The following KIAA1958 variants were observed in gnomAD, a reference collection of about 807,000 sequenced individuals.
KIAA1958 encodes uncharacterized protein KIAA1958.
A neutral mutation model predicts 47.2 loss-of-function variants in KIAA1958; 14 were observed. The ratio of observed to expected loss-of-function variants is 0.30; its 90% CI spans 0.20 to 0.46. The LOEUF (loss-of-function observed/expected upper bound fraction) is 0.46, where lower values mean the gene tolerates loss of function less well. Among genes scored for constraint, KIAA1958 ranks in the 20% least tolerant of loss-of-function variants. KIAA1958 has a pLI of 1.00. For missense variants in KIAA1958, 803 were observed against 909.2 expected, an observed-to-expected ratio of 0.88 and a Z score of 1.50; for synonymous variants, 354 against 353.3, an observed-to-expected ratio of 1.00 and a Z score of -0.02.
chr9:112,531,875 A>C (rs990634450), intron 1 of KIAA1958, among the ~76,000 whole-genome samples: 2 of 152,250 alleles, frequency 1.3e-5, no homozygotes, highest in East Asian at 3.8e-4. Flanking sequence ...CCATGACTTC[A>C]TTAATGTCTG....
intron 3 of KIAA1958, among the ~76,000 whole-genome samples, chr9:112,659,040 A>T (rs376140190): frequency 6.7e-6 from 1 of 150,094 alleles, no homozygotes; most frequent in Non-Finnish European, 1.5e-5. Context: ...AAAAAAAAAA[A>T]AAAAGAAAGA....
chr9:112,624,601 A>G (rs1372912688), intron 2 of KIAA1958, among the ~76,000 whole-genome samples: 1 of 152,218 alleles, frequency 6.6e-6, no homozygotes, highest in Non-Finnish European at 1.5e-5. Context: ...ACAGAAAAGG[A>G]AGACATTTAA....
At position 112,627,157 on chromosome 9, in the gene KIAA1958, A is replaced by G. The variant is rs530943296; in HGVS notation, c.1172-18493A>G. On this transcript the variant is annotated intron_variant, in intron 2 of 3. Transcript: ENST00000337530. ...AACTTGAAAATCTTGTGTCATGTTT[A>G]TAATTCCAGGCCAGGTCAGCTTTTC... Among the ~76,000 whole-genome samples, 4 of 152,350 alleles carry G rather than the reference A, an allele frequency of 2.6e-5. No homozygotes were observed. The South Asian group carries it at 8.3e-4, about 32-fold the overall frequency.
In KIAA1958 at chr9:112,618,488, A is replaced by G; in HGVS notation, c.1172-27162A>G. 6.4e-7 allele frequency: 1 copy of G among 1,550,784 alleles called. No individual in the cohort carries two copies. Among genetic ancestry groups the G allele is most frequent in the Non-Finnish European group, 8.7e-7 (1 of 1,147,038 alleles). On this transcript the variant is annotated intron_variant, in intron 2 of 3. Transcript: ENST00000337530. This position sits in a 1 kb window ranked among gnomAD's most constrained non-coding sequence, Gnocchi z 7.1. ...CACTGGAGACTTGAATGCCAAAACC[A>G]AGAGAGGGGGGACAGACTCCCGTGT... is the stretch of plus-strand genomic sequence containing the variant.
At chr9:112,570,799 A>AC (rs1835519662) in intron 1 of KIAA1958, among the ~76,000 whole-genome samples, 1 of 152,228 alleles carries the variant, frequency 6.6e-6, no homozygotes, top group African/African-American at 2.4e-5. Context: ...GAGAAGTCTT[A>AC]CAACAGGCTG....
At chr9:112,634,798 G>A (rs1042609099) in intron 2 of KIAA1958, among the ~76,000 whole-genome samples, 1 of 152,020 alleles carries the variant, frequency 6.6e-6, no homozygotes, top group African/African-American at 2.4e-5. Context: ...TTTTACTTTT[G>A]GGGTAGTGAT....
At chr9:112,555,902 C>T (rs1300088496) in intron 1 of KIAA1958, among the ~76,000 whole-genome samples, 1 of 152,166 alleles carries the variant, frequency 6.6e-6, no homozygotes, top group Non-Finnish European at 1.5e-5. Flanking sequence ...TGGTAAAACC[C>T]CGTCTCTACT....
At chr9:112,582,196 C>T (rs1045090365) in intron 2 of KIAA1958, among the ~76,000 whole-genome samples, 5 of 152,016 alleles carry the variant, frequency 3.3e-5, no homozygotes, top group African/African-American at 1.2e-4. Flanking sequence ...TGACTGTAGT[C>T]AATAATAACT....
At chr9:112,519,024 G>C (rs903194898) in intron 1 of KIAA1958, among the ~76,000 whole-genome samples, 1 of 152,018 alleles carries the variant, frequency 6.6e-6, no homozygotes, top group Non-Finnish European at 1.5e-5. Context: ...TGAACTCCTG[G>C]GCTCAAGCAA....
chr9:112,570,567 G>A (rs1466922626), intron 1 of KIAA1958, among the ~76,000 whole-genome samples: 1 of 152,164 alleles, frequency 6.6e-6, no homozygotes, highest in East Asian at 1.9e-4. Context: ...TCACCATTTA[G>A]TAACCTTGTA....
chr9:112,589,598 A>T (rs932345173), intron 2 of KIAA1958, among the ~76,000 whole-genome samples: 1 of 152,260 alleles, frequency 6.6e-6, no homozygotes, highest in South Asian at 2.1e-4. Context: ...AAGAGAATGC[A>T]GGACAGAAAT....
At position 112,642,013 on chromosome 9, in the gene KIAA1958, C is replaced by T. The variant is rs536773824; in HGVS notation, c.1172-3637C>T. 2.6e-5 allele frequency among the ~76,000 whole-genome samples: 4 copies of T among 152,266 alleles called. No individual in the cohort carries two copies. In the South Asian group the frequency reaches 6.2e-4, roughly 24 times the overall value. On this transcript the variant is annotated intron_variant, in intron 2 of 3. Coordinates refer to ENST00000337530, the MANE Select transcript of KIAA1958 (RefSeq NM_133465.4). ...AACATGAAATTAGCTTTTCTGCTTG[C>T]GTAGCTTGGTGACTGTCATGCTACT...
intron 1 of KIAA1958, among the ~76,000 whole-genome samples, chr9:112,507,306 G>T (rs757158314): frequency 2.6e-4 from 39 of 152,144 alleles, no homozygotes; most frequent in Non-Finnish European, 5.3e-4. Flanking sequence ...AGAATGTTTA[G>T]AAAAGATGTG....
At chr9:112,491,290 A>G (rs911237217) in intron 1 of KIAA1958, among the ~76,000 whole-genome samples, 2 of 152,204 alleles carry the variant, frequency 1.3e-5, no homozygotes, top group Admixed American at 6.5e-5. Flanking sequence ...GTTTAAGAAG[A>G]CGTTAAAACG....
chr9:112,646,911 C>A (rs368762322), intron 3 of KIAA1958, among the ~76,000 whole-genome samples: 3 of 152,186 alleles, frequency 2.0e-5, no homozygotes, highest in African/African-American at 4.8e-5. Context: ...AAATGGCCAA[C>A]AAAGAGTTAG....
intron 1 of KIAA1958, among the ~76,000 whole-genome samples, chr9:112,510,856 A>C (rs988783729): frequency 3.3e-5 from 5 of 152,114 alleles, no homozygotes; most frequent in Non-Finnish European, 5.9e-5. Flanking sequence ...ACTTATGCAG[A>C]TCTAAAGGTT....
chr9:112,565,960 G>T (rs1452084048), intron 1 of KIAA1958, among the ~76,000 whole-genome samples: 1 of 152,188 alleles, frequency 6.6e-6, no homozygotes. Flanking sequence ...CTGGAGTGCA[G>T]TGGCGCGATC....
At chr9:112,646,473 TAATG>T (rs1426046641) in intron 3 of KIAA1958, among the ~76,000 whole-genome samples, 3 of 152,164 alleles carry the variant, frequency 2.0e-5, no homozygotes, top group African/African-American at 7.2e-5. Context: ...AGAAGAAACA[TAATG>T]AAAGTGGTAT....
intron 2 of KIAA1958, among the ~76,000 whole-genome samples, chr9:112,635,712 G>A (rs536206262): frequency 6.6e-6 from 1 of 152,164 alleles, no homozygotes; most frequent in East Asian, 1.9e-4. Context: ...TTTACTATTT[G>A]TAGGATCTAT....
Sources: gnomAD v4.1 joint callset for allele counts (sites outside exome capture counted in the v4.1 genomes callset) on GRCh38, gnomAD v4.1.1 for gene constraint, Gnocchi (gnomAD v3.1) non-coding constraint, MANE v1.5 for transcripts, NCBI Gene and HGNC (gene_info 2026-07-23, HGNC 2026-07-21) for gene names.